The following EML4 variants were observed in gnomAD, a reference collection of about 807,000 sequenced individuals.
EML4 encodes the protein EMAP like 4.
Under a neutral mutation model 129.0 loss-of-function variants are expected in EML4, and 72 were observed. The observed-to-expected ratio is 0.56, with a 90% CI of 0.46 to 0.68. The LOEUF (loss-of-function observed/expected upper bound fraction) is 0.68. EML4 is among the 30% of genes least tolerant of loss of function. EML4 has a pLI of 0.00. For synonymous variants in EML4, 532 were observed against 405.0 expected, an observed-to-expected ratio of 1.31 and a Z score of -3.77; for missense variants, 1,363 against 1,190.6, an observed-to-expected ratio of 1.14 and a Z score of -2.13.
intron 13 of EML4, among the ~76,000 whole-genome samples, chr2:42,297,610 C>T (rs924675859): frequency 4.6e-5 from 7 of 152,110 alleles, no homozygotes; most frequent in East Asian, 1.9e-4. Flanking sequence ...ATTTGGTGAG[C>T]GCAGTGAAAT....
intron 5 of EML4, among the ~76,000 whole-genome samples, chr2:42,264,115 T>TTTC: frequency 7.0e-6 from 1 of 143,422 alleles, no homozygotes; most frequent in East Asian, 2.1e-4. Context: ...TTTTTTTTTT[T>TTTC]TTTTTTTTTT....
At chr2:42,313,477 A>G (rs1416457630) in intron 17 of EML4, among the ~76,000 whole-genome samples, 1 of 152,116 alleles carries the variant, frequency 6.6e-6, no homozygotes, top group East Asian at 1.9e-4. Context: ...TTGAGTCTTC[A>G]ATTCTACCTT....
At chr2:42,290,973 T>G (rs775560194) in intron 11 of EML4, among the ~76,000 whole-genome samples, 4 of 152,030 alleles carry the variant, frequency 2.6e-5, no homozygotes, top group Admixed American at 6.6e-5. Context: ...ATAGCCACAA[T>G]TGTAAAGAAA....
At chr2:42,299,289 C>G (rs1291882992) in intron 13 of EML4, among the ~76,000 whole-genome samples, 1 of 152,066 alleles carries the variant, frequency 6.6e-6, no homozygotes, top group East Asian at 1.9e-4. Context: ...TTTTAGGATA[C>G]CAAAGCCTTA....
chr2:42,233,131 C>T (rs141912975), intron 1 of EML4, among the ~76,000 whole-genome samples: 1 of 152,294 alleles, frequency 6.6e-6, no homozygotes, highest in East Asian at 1.9e-4. Context: ...ATGTTCATAA[C>T]TCCTCACATT....
At chr2:42,188,910 G>A (rs976867158) in intron 1 of EML4, among the ~76,000 whole-genome samples, 1 of 152,150 alleles carries the variant, frequency 6.6e-6, no homozygotes, top group Admixed American at 6.5e-5. Flanking sequence ...CAGGAGGATC[G>A]CTTGAGCCCA....
chr2:42,240,126 A>T (rs1165417649), intron 1 of EML4, among the ~76,000 whole-genome samples: 1 of 152,172 alleles, frequency 6.6e-6, no homozygotes, highest in African/African-American at 2.4e-5. Context: ...GTAATCTATG[A>T]TAGAAATTTA....
rs35916382 is a variant in EML4, at chr2:42,278,573, C to CAA, written c.668-2248_668-2247dup. Among the ~76,000 whole-genome samples, 101 of 54,270 alleles carry CAA rather than the reference C, an allele frequency of 1.9e-3. 6 individuals carry two copies. Among genetic ancestry groups the CAA allele is most frequent in the Admixed American group, 4.9e-3 (17 of 3,468 alleles). The allele number at this position is 54,270 out of a possible 152,430, so 35.6% of individuals were successfully genotyped here. On this transcript the variant is annotated intron_variant, in intron 6 of 22. Coordinates refer to ENST00000318522, the MANE Select transcript of EML4 (RefSeq NM_019063.5). ...TGGGTGACAGAGCGGGACTCCATCT[C>CAA]AAAAAAAAAAAAAAAAAAAAAAAAA...
chr2:42,317,900 T>C (rs1669329886), intron 19 of EML4, among the ~76,000 whole-genome samples: 1 of 152,232 alleles, frequency 6.6e-6, no homozygotes, highest in Non-Finnish European at 1.5e-5. Context: ...CAACATCCTA[T>C]ATCACTTCTC....
chr2:42,329,754 T>C lies in EML4; in HGVS notation c.2493T>C (p.Ser831=). The stretch of plus-strand genomic sequence containing the variant: ...TATAGGCTCCCAGTCACAAGTACAG[T>C]GCCCACAGCAGCCATGTCACCAATG... ...SKAKAPSHKY[S]AHSSHVTNVS... The change falls in exon 23 of 23, where the codon AGT becomes AGC. Residue 831 remains serine (S), a synonymous_variant. Coordinates refer to ENST00000318522, the MANE Select transcript of EML4 (RefSeq NM_019063.5). 3 of 1,614,074 alleles carry C rather than the reference T, an allele frequency of 1.9e-6. No homozygotes were observed. The highest frequency in any genetic ancestry group is 2.5e-6 in the Non-Finnish European group (3 of 1,179,952).
chr2:42,328,433 A>T (rs2103845048), intron 21 of EML4, among the ~76,000 whole-genome samples: 1 of 152,318 alleles, frequency 6.6e-6, no homozygotes, highest in East Asian at 1.9e-4. Context: ...AATCTCTCTG[A>T]GGTTTTCTTG....
chr2:42,268,833 A>G (rs1426684209), intron 6 of EML4, among the ~76,000 whole-genome samples: 1 of 152,146 alleles, frequency 6.6e-6, no homozygotes, highest in Non-Finnish European at 1.5e-5. Flanking sequence ...AGACTTGAAT[A>G]ATCTTAAATT....
At chr2:42,319,149 A>G (rs1013844385) in intron 19 of EML4, among the ~76,000 whole-genome samples, 7 of 152,234 alleles carry the variant, frequency 4.6e-5, no homozygotes, top group Non-Finnish European at 1.0e-4. Context: ...ATGACTTGTC[A>G]TTGGTGTCAT....
At chr2:42,304,430 C>A in intron 16 of EML4, 54 bp from the exon 17 acceptor site, 1 of 1,384,920 alleles carries the variant, frequency 7.2e-7, no homozygotes, top group Non-Finnish European at 1.0e-6. Flanking sequence ...TGCTACTGTC[C>A]CCATAGGGAG....
chr2:42,296,020 A>G (rs889763069), intron 13 of EML4, among the ~76,000 whole-genome samples: 6 of 152,130 alleles, frequency 3.9e-5, no homozygotes, highest in Admixed American at 1.3e-4. Context: ...AAAAACACAG[A>G]TTTATTCTTA....
rs1017315443 is a variant in EML4 at position 42,330,341 on chromosome 2, A to C, written c.*134A>C. 1.2e-6 allele frequency: 1 copy of C among 802,822 alleles called. No homozygotes were observed. The allele number at this position is 802,822 out of a possible 1,614,324, so 49.7% of individuals were successfully genotyped here. ...GTTTCCATGTGATTTGTTTTCTTCA[A>C]TAGTCTTATTTTCAGTCTCTCAAAT... On this transcript the variant is annotated 3_prime_UTR_variant, in exon 23 of 23. Coordinates refer to ENST00000318522, the MANE Select transcript of EML4 (RefSeq NM_019063.5).
chr2:42,264,420 A>T (rs1391580765), intron 5 of EML4, among the ~76,000 whole-genome samples: 1 of 152,166 alleles, frequency 6.6e-6, no homozygotes, highest in Non-Finnish European at 1.5e-5. Flanking sequence ...GCCCAGCCAA[A>T]TAATAAATCT....
chr2:42,245,282 G>C lies in EML4; in HGVS notation c.26-223G>C, dbSNP rs572567864. Among the ~76,000 whole-genome samples the C allele has an allele frequency of 1.8e-4, 27 of 151,226 alleles. 1 individual carries two copies. In the East Asian group the frequency reaches 3.7e-3, roughly 21 times the overall value. On this transcript the variant is annotated intron_variant, in intron 1 of 22. Transcript: ENST00000318522. ...GCTAATTTTTTGTGGTGTTAGTAGA[G>C]ACGGGGTTTCACCATGTTGGCCATG... is the stretch of plus-strand genomic sequence containing the variant.
Position 42,301,523 on chromosome 2 carries a change from A to G in EML4, c.1641+131A>G, listed in dbSNP as rs571200733. ...TAATTTCATTTCCTTTCCTCAAGAA[A>G]GGAGTTTGTTGTTGCCTTTAAGATA... On this transcript the variant is annotated intron_variant, in intron 14 of 22. Transcript: ENST00000318522. 43 of 724,334 alleles carry G rather than the reference A, an allele frequency of 5.9e-5. No homozygotes were observed. The African/African-American group carries it at 6.7e-4, about 11-fold the overall frequency. The allele number at this position is 724,334 out of a possible 1,614,324, so 44.9% of individuals were successfully genotyped here. A position where few individuals can be genotyped will look rare whatever the true frequency, so the allele number is the denominator to read the frequency against.
Sources: gnomAD v4.1 joint callset for allele counts (sites outside exome capture counted in the v4.1 genomes callset) on GRCh38, gnomAD v4.1.1 for gene constraint, MANE v1.5 for transcripts, NCBI Gene and HGNC (gene_info 2026-07-23, HGNC 2026-07-21) for gene names.